The following URI1 variants were observed in gnomAD, a reference collection of about 807,000 sequenced individuals.
The protein encoded by URI1 is unconventional prefoldin RPB5 interactor 1.
Under a neutral mutation model 60.2 loss-of-function variants are expected in URI1, and 39 were observed. That is an observed-to-expected ratio of 0.65 (90% CI 0.50 to 0.85). URI1 has a LOEUF of 0.85. Ranked by LOEUF, URI1 falls within the 40% of genes least tolerant of loss-of-function variation. The pLI, the probability that URI1 is intolerant of heterozygous loss-of-function variation, is 0.00. For missense variants in URI1, 691 were observed against 665.9 expected, an observed-to-expected ratio of 1.04 and a Z score of -0.42; for synonymous variants, 251 against 236.8, an observed-to-expected ratio of 1.06 and a Z score of -0.55.
chr19:29,927,461 C>T (rs949532914), intron 1 of URI1, among the ~76,000 whole-genome samples: 2 of 150,824 alleles, frequency 1.3e-5, no homozygotes, highest in African/African-American at 4.9e-5. Context: ...GGGGTTTCAC[C>T]ATATTGGCCA....
upstream of URI1, among the ~76,000 whole-genome samples, chr19:29,939,728 A>G (rs1329351111): frequency 6.6e-6 from 1 of 152,222 alleles, no homozygotes; most frequent in Non-Finnish European, 1.5e-5. Flanking sequence ...AATGGCAAGG[A>G]GGCAACCATG....
At chr19:29,934,621 G>A (rs985055235) in intron 1 of URI1, among the ~76,000 whole-genome samples, 7 of 152,098 alleles carry the variant, frequency 4.6e-5, no homozygotes, top group East Asian at 3.9e-4. Context: ...CTGCAGCTTC[G>A]ACCTCTTGGG....
At chr19:29,934,570 C>T (rs2054952033) in intron 1 of URI1, among the ~76,000 whole-genome samples, 1 of 152,170 alleles carries the variant, frequency 6.6e-6, no homozygotes, top group African/African-American at 2.4e-5. Flanking sequence ...AGGTCTTGCT[C>T]TGTAGCCCAG....
At chr19:29,985,361 T>C in intron 3 of URI1, 60 bp downstream of exon 3, 1 of 1,424,008 alleles carries the variant, frequency 7.0e-7, no homozygotes, top group Non-Finnish European at 9.9e-7. Flanking sequence ...ATTAACTATG[T>C]GTCGGTTCAC....
intron 4 of URI1, 23 bp from the exon 5 acceptor site, chr19:30,005,338 A>G (rs757235528): frequency 7.2e-7 from 1 of 1,383,714 alleles, no homozygotes; most frequent in African/African-American, 1.5e-5. Flanking sequence ...TGCTTTACAT[A>G]ATGGTTGTGT....
At chr19:29,994,354 C>A (rs1444558477) in intron 4 of URI1, among the ~76,000 whole-genome samples, 1 of 151,306 alleles carries the variant, frequency 6.6e-6, no homozygotes, top group African/African-American at 2.4e-5. Flanking sequence ...TCAGCTATAA[C>A]CACCATCCAT....
chr19:29,936,287 AGAATGG>A (rs1159487260), intron 1 of URI1, among the ~76,000 whole-genome samples: 1 of 151,792 alleles, frequency 6.6e-6, no homozygotes, highest in East Asian at 1.9e-4. Flanking sequence ...TATTTTTAGT[AGAATGG>A]GGTTTCGCCA....
At chr19:29,955,121 A>ATT (rs376817578) in intron 1 of URI1, among the ~76,000 whole-genome samples, 23 of 140,832 alleles carry the variant, frequency 1.6e-4, no homozygotes, top group Admixed American at 2.1e-4. Context: ...AGCCAAGCTA[A>ATT]TTTTTTTTTT....
Position 30,008,985 on chromosome 19 carries a change from T to A in URI1, c.687-20T>A. The stretch of plus-strand genomic sequence containing the variant: ...ATTCTAGTATGTTTGTTTGATCTTG[T>A]TAATTTTCTTCCTTGCTAGTAAGCC... On this transcript the variant is annotated intron_variant, in intron 7 of 10. Transcript: ENST00000392271. The A allele has an allele frequency of 1.3e-6, 2 of 1,546,844 alleles. No homozygotes were observed. The highest frequency in any genetic ancestry group is 1.8e-6 in the Non-Finnish European group (2 of 1,141,030).
chr19:30,008,859 A>ATTTTTT, intron 7 of URI1, 146 bp from the exon 8 acceptor site: 1 of 669,470 alleles, frequency 1.5e-6, no homozygotes, highest in African/African-American at 1.8e-5. Flanking sequence ...ATTTCAAAAC[A>ATTTTTT]TTTTTTTGTT....
chr19:30,003,504 C>G lies in URI1; in HGVS notation c.368-1857C>G, dbSNP rs566074022. ...ATTAATGTATGATTCAGAAAGCTTTCTTGAATTTAAAAATGGAACTGTGCA... is the reference window on the plus strand; with the variant it reads ...ATTAATGTATGATTCAGAAAGCTTTGTTGAATTTAAAAATGGAACTGTGCA... On this transcript the variant is annotated intron_variant, in intron 4 of 10. Transcript: ENST00000392271. 5.3e-5 allele frequency among the ~76,000 whole-genome samples: 8 copies of G among 152,114 alleles called. No homozygotes were observed. The South Asian group carries it at 1.2e-3, about 24-fold the overall frequency.
chr19:29,957,079 A>T, intron 1 of URI1: 1 of 518,934 alleles, frequency 1.9e-6, no homozygotes, highest in Non-Finnish European at 3.4e-6. Flanking sequence ...TTTCCTGCTT[A>T]TAATTCTTTT....
At chr19:29,983,917 C>G (rs2055628701) in intron 2 of URI1, among the ~76,000 whole-genome samples, 1 of 152,126 alleles carries the variant, frequency 6.6e-6, no homozygotes, top group African/African-American at 2.4e-5. Context: ...GACTCCTAGG[C>G]CAAATTGAAA....
chr19:29,997,943 T>G (rs1380432621), intron 4 of URI1, among the ~76,000 whole-genome samples: 1 of 152,126 alleles, frequency 6.6e-6, no homozygotes, highest in African/African-American at 2.4e-5. Flanking sequence ...TTTTGTATTT[T>G]TAGTAGAGTC....
intron 1 of URI1, among the ~76,000 whole-genome samples, chr19:29,960,825 T>C (rs1039108314): frequency 3.3e-5 from 5 of 152,130 alleles, no homozygotes; most frequent in Non-Finnish European, 5.9e-5. Context: ...ATTCAAAAAA[T>C]TGTAGTAAAT....
At chr19:29,957,708 G>C (rs1599673324) in intron 1 of URI1, among the ~76,000 whole-genome samples, 1 of 152,210 alleles carries the variant, frequency 6.6e-6, no homozygotes, top group Non-Finnish European at 1.5e-5. Flanking sequence ...TGGATCTAAA[G>C]ATCGGTTTGA....
intron 1 of URI1, among the ~76,000 whole-genome samples, chr19:29,944,166 T>TATATATTTTC (rs1555736085): frequency 1.2e-4 from 9 of 72,974 alleles, no homozygotes; most frequent in Non-Finnish European, 1.9e-4. Flanking sequence ...TATATATATA[T>TATATATTTTC]ATATATATAT....
intron 9 of URI1, 44 bp downstream of exon 9, chr19:30,011,280 T>C: frequency 6.5e-7 from 1 of 1,549,164 alleles, no homozygotes; most frequent in Non-Finnish European, 8.7e-7. Flanking sequence ...TGGGCTTGCC[T>C]CTCTTTCTGC....
chr19:29,955,638 C>T (rs369177629), intron 1 of URI1, among the ~76,000 whole-genome samples: 10 of 148,724 alleles, frequency 6.7e-5, no homozygotes, highest in Middle Eastern at 6.9e-3. Context: ...TTGCCATTTT[C>T]CCAGTTACCA....
Sources: allele counts gnomAD v4.1 joint callset (sites outside exome capture counted in the v4.1 genomes callset), GRCh38; gene constraint gnomAD v4.1.1; transcripts MANE v1.5; gene names NCBI Gene and HGNC (gene_info 2026-07-23, HGNC 2026-07-21).